CEP128: variants seen among roughly 807,000 people sequenced by gnomAD.
The protein encoded by CEP128 is centrosomal protein 128, also known as centrosomal protein 128kDa.
Under a neutral mutation model 156.7 loss-of-function variants are expected in CEP128, and 132 were observed. The observed-to-expected ratio is 0.84, with a 90% CI of 0.73 to 0.97. The LOEUF is 0.97. CEP128 is among the 50% of genes least tolerant of loss of function. CEP128 has a pLI of 0.00. For synonymous variants in CEP128, 469 were observed against 448.9 expected (o/e 1.04, Z -0.57); for missense variants, 1,252 against 1,281.9 (o/e 0.98, Z 0.36).
At chr14:80,690,402 G>C (rs1456369936) in intron 19 of CEP128, among the ~76,000 whole-genome samples, 1 of 149,524 alleles carries the variant, frequency 6.7e-6, no homozygotes, top group Non-Finnish European at 1.5e-5. Flanking sequence ...GGCAAAAACA[G>C]CGAAACTCCA....
intron 19 of CEP128, among the ~76,000 whole-genome samples, chr14:80,650,220 C>G (rs1252549264): frequency 1.3e-5 from 2 of 152,046 alleles, no homozygotes; most frequent in African/African-American, 4.8e-5. Context: ...CTCTGTTTGT[C>G]TATTATTGGT....
chr14:80,625,816 TTTC>T (rs1398769023), intron 19 of CEP128, among the ~76,000 whole-genome samples: 2 of 151,766 alleles, frequency 1.3e-5, no homozygotes, highest in African/African-American at 4.8e-5. Context: ...TTCTTCCTTA[TTTC>T]TTTTTTCTCC....
intron 2 of CEP128, among the ~76,000 whole-genome samples, chr14:80,929,742 G>A (rs117189851): frequency 0.011 from 1,722 of 152,200 alleles, 19 homozygotes; most frequent in Non-Finnish European, 0.016. Context: ...GGGGTTGAGG[G>A]ATGAAAAACT....
intron 19 of CEP128, among the ~76,000 whole-genome samples, chr14:80,615,064 T>G (rs184051957): frequency 7.9e-5 from 12 of 152,296 alleles, no homozygotes; most frequent in African/African-American, 2.9e-4. Flanking sequence ...TGACAAATAG[T>G]AAGAAATGGT....
chr14:80,514,155 C>A (rs984165784), intron 23 of CEP128, among the ~76,000 whole-genome samples: 2 of 152,162 alleles, frequency 1.3e-5, no homozygotes, highest in Non-Finnish European at 2.9e-5. Flanking sequence ...AGCCTGGAAG[C>A]CCCTGCTTTG....
At chr14:80,490,412 G>C (rs1887285508), downstream of CEP128, 1 of 152,170 alleles carries the variant, frequency 6.6e-6, no homozygotes, top group Non-Finnish European at 1.5e-5. Flanking sequence ...TGGAATCAAT[G>C]CCCCAAATCA....
intron 23 of CEP128, among the ~76,000 whole-genome samples, chr14:80,508,540 A>G (rs1566746673): frequency 6.6e-6 from 1 of 152,138 alleles, no homozygotes. Flanking sequence ...CTATTGTTCA[A>G]AATTTACAAT....
intron 21 of CEP128, among the ~76,000 whole-genome samples, chr14:80,536,761 G>GTGT (rs1351029288): frequency 3.3e-5 from 5 of 152,162 alleles, no homozygotes; most frequent in African/African-American, 1.2e-4. Flanking sequence ...CGAAGTCACG[G>GTGT]TGTTGATGCA....
intron 2 of CEP128, among the ~76,000 whole-genome samples, chr14:80,953,540 G>C (rs1351919595): frequency 6.6e-6 from 1 of 152,220 alleles, no homozygotes; most frequent in Admixed American, 6.5e-5. Flanking sequence ...AGCCAAGATC[G>C]TGCCATTGCA....
intron 8 of CEP128, among the ~76,000 whole-genome samples, chr14:80,888,621 G>A (rs931377000): frequency 6.6e-6 from 1 of 152,092 alleles, no homozygotes; most frequent in African/African-American, 2.4e-5. Flanking sequence ...GGTATTGAGG[G>A]AACATATCTC....
intron 13 of CEP128, among the ~76,000 whole-genome samples, chr14:80,818,886 T>A (rs1195003893): frequency 6.6e-6 from 1 of 152,248 alleles, no homozygotes; most frequent in Non-Finnish European, 1.5e-5. Flanking sequence ...GAGTCTTTGC[T>A]TTTAAATATA....
intron 8 of CEP128, among the ~76,000 whole-genome samples, chr14:80,867,142 C>T (rs1887805649): frequency 6.6e-6 from 1 of 152,118 alleles, no homozygotes; most frequent in Admixed American, 6.6e-5. Context: ...CACTTTGAAG[C>T]CATTATTTAG....
At chr14:80,539,836 G>T (rs1889661219) in intron 21 of CEP128, among the ~76,000 whole-genome samples, 1 of 152,070 alleles carries the variant, frequency 6.6e-6, no homozygotes, top group Non-Finnish European at 1.5e-5. Context: ...TGCATTCCTG[G>T]GGGGAGGTCT....
At chr14:80,955,303 G>T in intron 2 of CEP128, 1 of 379,962 alleles carries the variant, frequency 2.6e-6, no homozygotes, top group Non-Finnish European at 4.9e-6. Flanking sequence ...AAAGGAGGGG[G>T]CATCTAAACT....
chr14:80,646,139 T>C (rs913337749), intron 19 of CEP128, among the ~76,000 whole-genome samples: 5 of 152,280 alleles, frequency 3.3e-5, no homozygotes, highest in African/African-American at 1.2e-4. Context: ...CTTCATTACA[T>C]ATCTGTCAAA....
intron 19 of CEP128, among the ~76,000 whole-genome samples, chr14:80,647,381 A>G (rs1894709642): frequency 1.3e-5 from 2 of 151,838 alleles, no homozygotes; most frequent in Middle Eastern, 3.4e-3. Context: ...TCTGTTCAGT[A>G]CTTCAAATAG....
chr14:80,729,058 G>GGGTGTGTGT (rs1898141728), intron 19 of CEP128, among the ~76,000 whole-genome samples: 10 of 105,056 alleles, frequency 9.5e-5, no homozygotes, highest in African/African-American at 3.5e-4. Context: ...GGCTGGTGGG[G>GGGTGTGTGT]GTGTGTGTGT....
At chr14:80,958,606 G>A (rs1886840821) in intron 1 of CEP128, among the ~76,000 whole-genome samples, 1 of 152,116 alleles carries the variant, frequency 6.6e-6, no homozygotes, top group African/African-American at 2.4e-5. Flanking sequence ...TGGAAGAGAG[G>A]CAAGGAGGAC....
chr14:80,938,616 C>T (rs923160438), intron 2 of CEP128, among the ~76,000 whole-genome samples: 2 of 152,018 alleles, frequency 1.3e-5, no homozygotes, highest in Non-Finnish European at 2.9e-5. Context: ...ATCTATCGAG[C>T]ACAATATGAA....
Sources: allele counts gnomAD v4.1 joint callset (sites outside exome capture counted in the v4.1 genomes callset), GRCh38; gene constraint gnomAD v4.1.1; transcripts MANE v1.5; gene names NCBI Gene and HGNC (gene_info 2026-07-23, HGNC 2026-07-21).